The following DLG2 variants were observed in gnomAD, a reference collection of about 807,000 sequenced individuals.
DLG2 encodes the protein discs large MAGUK scaffold protein 2.
In DLG2, 45 loss-of-function variants were observed where a neutral mutation model predicts 132.5. That is an observed-to-expected ratio of 0.34 (90% CI 0.27 to 0.44). The LOEUF is 0.44. DLG2 is among the 20% of genes least tolerant of loss of function. DLG2 has a pLI of 1.00. For synonymous variants in DLG2, 424 were observed against 419.6 expected (o/e 1.01, Z -0.13); for missense variants, 1,045 against 1,196.9 (o/e 0.87, Z 1.87).
chr11:85,224,280 T>A (rs2074844699), intron 4 of DLG2, among the ~76,000 whole-genome samples: 1 of 152,158 alleles, frequency 6.6e-6, no homozygotes, highest in African/African-American at 2.4e-5. Flanking sequence ...GGAGAAAGAA[T>A]AATTTTTGAG....
At chr11:85,157,190 T>G (rs140231997) in intron 4 of DLG2, among the ~76,000 whole-genome samples, 2,956 of 152,300 alleles carry the variant, frequency 0.019, 55 homozygotes, top group Admixed American at 0.037. Flanking sequence ...GTTTTGGGAC[T>G]CAGACTGGCT....
chr11:85,389,220 G>C (rs1218876726), intron 3 of DLG2, among the ~76,000 whole-genome samples: 1 of 152,066 alleles, frequency 6.6e-6, no homozygotes, highest in African/African-American at 2.4e-5. Flanking sequence ...GCACTAAAAA[G>C]TCTCAGCAAT....
At position 83,484,150 on chromosome 11, in the gene DLG2, G is replaced by C; in HGVS notation, c.2272C>G (p.Gln758Glu). The C allele has an allele frequency of 6.2e-7, 1 of 1,613,024 alleles. No individual in the cohort carries two copies. Among genetic ancestry groups the C allele is most frequent in the Non-Finnish European group, 8.5e-7 (1 of 1,179,296 alleles). The change falls in exon 22 of 28, where the codon CAG (glutamine) becomes GAG (glutamate). Residue 758 changes from glutamine to glutamate, a missense_variant. Gln to Glu is a conservative substitution (Grantham distance 29, BLOSUM62 2). Around this residue, in one of 4 missense-constraint regions of DLG2, gnomAD observed 398 missense variants for 543.6 expected, o/e 0.73. Transcript: ENST00000376104. ...TTACGTTCAGGATCACTGGTTTCCT[G>C]CTCACTCTGCTCCTTGTTCTTGTAG... The part of the protein sequence containing the change: ...PFYKNKEQSE[Q>E]ETSDPERGQE...
chr11:83,790,100 C>T lies in DLG2; in HGVS notation c.1723-3308G>A, dbSNP rs551978814. 216 of 978,874 alleles carry T rather than the reference C, an allele frequency of 2.2e-4. 2 individuals carry two copies. Among genetic ancestry groups the T allele is most frequent in the African/African-American group, 1.6e-3 (95 of 60,714 alleles). The allele number at this position is 978,874 out of a possible 1,614,324, so 60.6% of individuals were successfully genotyped here. A position where few individuals can be genotyped will look rare whatever the true frequency, so the allele number is the denominator to read the frequency against. On this transcript the variant is annotated intron_variant, in intron 17 of 27. Coordinates refer to ENST00000376104, the MANE Select transcript of DLG2 (RefSeq NM_001142699.3). ...CTGCAACGAGTGTACCTGCATGAAC[C>T]GAGACACTGGCTTGGCCAGTCTGAC...
chr11:84,924,643 T>C lies in DLG2; in HGVS notation c.357+187018A>G, dbSNP rs753870770. Among the ~76,000 whole-genome samples, 192 of 152,166 alleles carry C rather than the reference T, an allele frequency of 1.3e-3. 3 individuals are homozygous for C. Among genetic ancestry groups the C allele is most frequent in the Admixed American group, 1.7e-3 (26 of 15,270 alleles). The stretch of plus-strand genomic sequence containing the variant: ...CTTAATGACAAGCATTCAGAAAGTG[T>C]CGTCAGTTCTGACTAAATAGCTATT... On this transcript the variant is annotated intron_variant, in intron 6 of 27. Coordinates refer to ENST00000376104, the MANE Select transcript of DLG2 (RefSeq NM_001142699.3).
intron 6 of DLG2, among the ~76,000 whole-genome samples, chr11:84,803,939 A>T (rs1488877703): frequency 6.6e-6 from 1 of 152,200 alleles, no homozygotes; most frequent in Non-Finnish European, 1.5e-5. Flanking sequence ...TAACTAAATG[A>T]TCACACAGGT....
At chr11:84,569,627 G>C (rs1455314440) in intron 6 of DLG2, among the ~76,000 whole-genome samples, 1 of 152,172 alleles carries the variant, frequency 6.6e-6, no homozygotes, top group Non-Finnish European at 1.5e-5. Context: ...CAGCAGACTT[G>C]ATCAAGAGGA....
chr11:83,835,811 A>G (rs2055987688), intron 16 of DLG2, among the ~76,000 whole-genome samples: 2 of 152,134 alleles, frequency 1.3e-5, no homozygotes, highest in Admixed American at 1.3e-4. Flanking sequence ...ATCTGCTTCC[A>G]AATGTATTTA....
At chr11:84,446,352 C>T (rs1334005340) in intron 7 of DLG2, among the ~76,000 whole-genome samples, 2 of 152,030 alleles carry the variant, frequency 1.3e-5, no homozygotes, top group Middle Eastern at 3.2e-3. Flanking sequence ...CCCTAATTTT[C>T]CTGAACGTCT....
At chr11:84,690,403 C>T (rs946953085) in intron 6 of DLG2, among the ~76,000 whole-genome samples, 2 of 151,160 alleles carry the variant, frequency 1.3e-5, no homozygotes, top group African/African-American at 4.9e-5. Context: ...CACAAATATA[C>T]ACAATTATTT....
At chr11:84,838,647 C>A (rs1312406562) in intron 6 of DLG2, among the ~76,000 whole-genome samples, 1 of 151,714 alleles carries the variant, frequency 6.6e-6, no homozygotes. Context: ...ATGTTCACTG[C>A]AGAATTGTTT....
intron 17 of DLG2, among the ~76,000 whole-genome samples, chr11:83,807,755 G>C (rs531145272): frequency 6.6e-6 from 1 of 152,248 alleles, no homozygotes; most frequent in South Asian, 2.1e-4. Context: ...ATTGTGTTAG[G>C]CTTGTTATTG....
chr11:85,555,204 T>C (rs1321323104), intron 3 of DLG2, among the ~76,000 whole-genome samples: 1 of 151,894 alleles, frequency 6.6e-6, no homozygotes, highest in East Asian at 1.9e-4. Context: ...AAAGGAAATA[T>C]ACTACTTAAA....
chr11:84,907,270 T>C (rs540924845), intron 6 of DLG2, among the ~76,000 whole-genome samples: 3 of 152,256 alleles, frequency 2.0e-5, no homozygotes, highest in Middle Eastern at 3.4e-3. Flanking sequence ...AGGAATGATA[T>C]TTCCAAAACA....
intron 3 of DLG2, among the ~76,000 whole-genome samples, chr11:85,405,833 T>C (rs1456812007): frequency 6.6e-6 from 1 of 151,968 alleles, no homozygotes; most frequent in Non-Finnish European, 1.5e-5. Context: ...AATCCAGACA[T>C]GTACCAACTG....
At chr11:85,049,860 A>C (rs1028027484) in intron 6 of DLG2, among the ~76,000 whole-genome samples, 6 of 152,096 alleles carry the variant, frequency 3.9e-5, no homozygotes, top group Non-Finnish European at 8.8e-5. Context: ...TATAGTTAGA[A>C]GAAAGCTAGT....
intron 3 of DLG2, among the ~76,000 whole-genome samples, chr11:85,373,417 G>C (rs1007441610): frequency 2.0e-5 from 3 of 152,148 alleles, no homozygotes; most frequent in Non-Finnish European, 2.9e-5. Context: ...CCCCAAAACA[G>C]CGGCCCATGT....
chr11:85,414,679 T>C (rs2089659650), intron 3 of DLG2, among the ~76,000 whole-genome samples: 2 of 152,022 alleles, frequency 1.3e-5, no homozygotes, highest in African/African-American at 2.4e-5. Flanking sequence ...GATCACTCTA[T>C]TGCTGTAAGT....
intron 19 of DLG2, among the ~76,000 whole-genome samples, chr11:83,627,434 A>G (rs1041142576): frequency 6.6e-6 from 1 of 151,894 alleles, no homozygotes; most frequent in African/African-American, 2.4e-5. Context: ...TCATTGTTCA[A>G]TTCCCACCTA....
Sources: gnomAD v4.1 joint callset for allele counts (sites outside exome capture counted in the v4.1 genomes callset) on GRCh38, gnomAD v4.1.1 for gene constraint, gnomAD v4.1.1 regional missense constraint, MANE v1.5 for transcripts, NCBI Gene and HGNC (gene_info 2026-07-23, HGNC 2026-07-21) for gene names.